The following FREM1 variants were observed in gnomAD, a reference collection of about 807,000 sequenced individuals.
FREM1 encodes FRAS1 related extracellular matrix 1.
FREM1 carries 220 observed loss-of-function variants against 210.1 expected under a neutral mutation model. That is an observed-to-expected ratio of 1.05 (90% CI 0.94 to 1.17). The LOEUF (loss-of-function observed/expected upper bound fraction) is 1.17, where lower values mean the gene tolerates loss of function less well. FREM1 is among the 50% of genes most tolerant of loss of function. The pLI is 0.00. For synonymous variants in FREM1, 1,189 were observed against 980.2 expected, an observed-to-expected ratio of 1.21 and a Z score of -3.98; for missense variants, 3,454 against 2,675.5, an observed-to-expected ratio of 1.29 and a Z score of -6.42.
chr9:14,804,207 G>A (rs186652084), intron 19 of FREM1, among the ~76,000 whole-genome samples: 9 of 152,232 alleles, frequency 5.9e-5, no homozygotes, highest in East Asian at 3.9e-4. Context: ...AAAATTATGC[G>A]AAGCTTAAAG....
chr9:14,792,304 A>AC (rs57156486), intron 22 of FREM1, among the ~76,000 whole-genome samples: 2 of 75,648 alleles, frequency 2.6e-5, no homozygotes, highest in Non-Finnish European at 7.4e-5. Context: ...ACACACACAC[A>AC]GAGAGAGAGA....
chr9:14,794,569 C>A (rs972116867), intron 21 of FREM1, among the ~76,000 whole-genome samples: 5 of 152,066 alleles, frequency 3.3e-5, no homozygotes, highest in Non-Finnish European at 7.4e-5. Context: ...CTGCAGGACC[C>A]AAAGCATCCT....
Position 14,824,049 on chromosome 9 carries a change from G to A in FREM1, c.2145C>T (p.Ala715=). The A allele has an allele frequency of 6.3e-7, 1 of 1,593,448 alleles. No homozygotes were observed. The highest frequency in any genetic ancestry group is 1.1e-5 in the South Asian group (1 of 87,302). The stretch of plus-strand genomic sequence containing the variant: ...CCTGAGTGAATGACCTCAGCTCCAG[G>A]GCCGTAGGATTCTTAACTACTTTTG... ...SIPKVVKNPT[A]LELRSFTQHA... Residue 715 remains alanine, a synonymous_variant, in exon 12 of 37, where the codon GCC becomes GCT. Coordinates refer to ENST00000380880, the MANE Select transcript of FREM1 (RefSeq NM_001379081.2).
intron 10 of FREM1, among the ~76,000 whole-genome samples, chr9:14,837,421 A>C (rs1289960612): frequency 6.6e-6 from 1 of 151,674 alleles, no homozygotes; most frequent in East Asian, 1.9e-4. Flanking sequence ...CTTGTATATT[A>C]AACTCTCTCC....
chr9:14,832,054 T>C (rs1481996025), intron 10 of FREM1, among the ~76,000 whole-genome samples: 12 of 152,244 alleles, frequency 7.9e-5, no homozygotes, highest in East Asian at 5.8e-4. Flanking sequence ...GTCTTCAACA[T>C]GCACTCCCCT....
In FREM1 at chr9:14,869,299, G is replaced by T. The variant is rs1334248260; in HGVS notation, c.-267-55C>A. On this transcript the variant is annotated intron_variant, in intron 1 of 36. Coordinates refer to ENST00000380880, the MANE Select transcript of FREM1 (RefSeq NM_001379081.2). ...GCGAGAGAGAGACCAAAAGGTTTAT[G>T]TGGCTATTCAAAAGATCGCTACCAA... 5 of 254,052 alleles carry T rather than the reference G, an allele frequency of 2.0e-5. 1 individual carries two copies. In the East Asian group the frequency reaches 3.5e-4, roughly 18 times the overall value. The allele number at this position is 254,052 out of a possible 1,614,324, so 15.7% of individuals were successfully genotyped here. A position where few individuals can be genotyped will look rare whatever the true frequency, so the allele number is the denominator to read the frequency against.
intron 28 of FREM1, 25 bp downstream of exon 28, chr9:14,759,747 A>T: frequency 6.5e-7 from 1 of 1,545,314 alleles, no homozygotes; most frequent in Non-Finnish European, 8.7e-7. Flanking sequence ...TTTTAGCTTG[A>T]TAATTTACAT....
intron 5 of FREM1, among the ~76,000 whole-genome samples, chr9:14,856,675 T>C (rs1211935473): frequency 6.6e-6 from 1 of 151,774 alleles, no homozygotes; most frequent in African/African-American, 2.4e-5. Context: ...CTACTAAAAA[T>C]ACAAAAAATT....
In FREM1 at chr9:14,737,545, G is replaced by T. The variant is rs768051870; in HGVS notation, c.6391C>A (p.Pro2131Thr). The change falls in exon 37 of 37, where the codon CCT becomes ACT. Residue 2131 changes from proline to threonine, a missense_variant. Transcript: ENST00000380880. ...CTTCTCCCATTGGTGAAGGCAACAG[G>T]TTCACCACCGATCCACTCCCAGTGG... ...AGHWEWIGGEPVAFTNGRRGP... is the reference protein window; with the variant it reads ...AGHWEWIGGETVAFTNGRRGP... 1 of 1,607,298 alleles carries T rather than the reference G, an allele frequency of 6.2e-7. No homozygotes were observed. The highest frequency in any genetic ancestry group is 8.5e-7 in the Non-Finnish European group (1 of 1,176,506).
At chr9:14,756,337 C>T (rs559188758) in intron 29 of FREM1, 37 bp downstream of exon 29, 1 of 1,457,334 alleles carries the variant, frequency 6.9e-7, no homozygotes, top group Non-Finnish European at 9.4e-7. Flanking sequence ...AAACAAAAAA[C>T]AAAACACATA....
At chr9:14,823,625 A>C (rs919715928) in intron 12 of FREM1, among the ~76,000 whole-genome samples, 2 of 138,142 alleles carry the variant, frequency 1.4e-5, no homozygotes, top group Non-Finnish European at 3.4e-5. Flanking sequence ...TAAAGCTCAT[A>C]GTCCTTTATG....
At chr9:14,884,536 T>C (rs1195317392) in intron 1 of FREM1, among the ~76,000 whole-genome samples, 2 of 152,212 alleles carry the variant, frequency 1.3e-5, no homozygotes, top group African/African-American at 4.8e-5. Context: ...AACCAAACTT[T>C]TTGGGAAATT....
chr9:14,800,430 A>G (rs746351243), intron 20 of FREM1, among the ~76,000 whole-genome samples: 4 of 152,224 alleles, frequency 2.6e-5, no homozygotes, highest in Non-Finnish European at 5.9e-5. Flanking sequence ...AAAGTGGGAT[A>G]AGATTGAATT....
intron 10 of FREM1, among the ~76,000 whole-genome samples, chr9:14,828,341 T>A (rs915200496): frequency 6.6e-6 from 1 of 152,202 alleles, no homozygotes; most frequent in Non-Finnish European, 1.5e-5. Flanking sequence ...TTTGGATCCT[T>A]TCTTCTTTCC....
chr9:14,891,529 C>A (rs1255561215), intron 1 of FREM1, among the ~76,000 whole-genome samples: 1 of 152,000 alleles, frequency 6.6e-6, no homozygotes, highest in African/African-American at 2.4e-5. Flanking sequence ...GAGCTCAAGG[C>A]CAGTCTGGGC....
intron 24 of FREM1, 173 bp downstream of exon 24, chr9:14,784,197 C>T: frequency 3.7e-6 from 2 of 537,296 alleles, no homozygotes; most frequent in African/African-American, 1.9e-5. Flanking sequence ...TTCTCCTTTT[C>T]TTTCCTTTTT....
chr9:14,845,824 T>A, intron 8 of FREM1, 136 bp downstream of exon 8: 1 of 842,344 alleles, frequency 1.2e-6, no homozygotes, highest in Non-Finnish European at 1.9e-6. Flanking sequence ...GATTTCAAGA[T>A]CTCCAGATTT....
intron 1 of FREM1, among the ~76,000 whole-genome samples, chr9:14,872,258 C>T (rs1329938123): frequency 6.6e-6 from 1 of 152,132 alleles, no homozygotes; most frequent in Non-Finnish European, 1.5e-5. Flanking sequence ...TTACCTTGGG[C>T]AGTATGGCCA....
chr9:14,784,192 C>A, intron 24 of FREM1, 178 bp downstream of exon 24: 1 of 524,732 alleles, frequency 1.9e-6, no homozygotes, highest in Non-Finnish European at 3.1e-6. Flanking sequence ...TTTTTTTCTC[C>A]TTTTCTTTCC....
Sources: allele counts gnomAD v4.1 joint callset (sites outside exome capture counted in the v4.1 genomes callset), GRCh38; gene constraint gnomAD v4.1.1; transcripts MANE v1.5; gene names NCBI Gene and HGNC (gene_info 2026-07-23, HGNC 2026-07-21).